The following MORF4L1 variants were observed in gnomAD, a reference collection of about 807,000 sequenced individuals.
The protein encoded by MORF4L1 is mortality factor 4 like 1, also known as mortality factor 4-like protein 1.
A neutral mutation model predicts 52.9 loss-of-function variants in MORF4L1; 4 were observed. The ratio of observed to expected loss-of-function variants is 0.08; its 90% CI spans 0.04 to 0.17. MORF4L1 has a LOEUF of 0.17. Ranked by LOEUF, MORF4L1 falls within the 10% of genes least tolerant of loss-of-function variation. The pLI is 1.00. For missense variants in MORF4L1, 214 were observed against 390.4 expected, an observed-to-expected ratio of 0.55 and a Z score of 3.81; for synonymous variants, 123 against 134.8, an observed-to-expected ratio of 0.91 and a Z score of 0.61.
chr15:78,874,439 C>T (rs1464433432), intron 1 of MORF4L1, among the ~76,000 whole-genome samples: 2 of 152,168 alleles, frequency 1.3e-5, no homozygotes, highest in Non-Finnish European at 2.9e-5. Context: ...GTGACGCTAT[C>T]TCGGCTCACC....
chr15:78,882,261 A>G lies in MORF4L1; in HGVS notation c.155+1682A>G, dbSNP rs1175646289. The stretch of plus-strand genomic sequence containing the variant: ...AGCCCAGGAGTTTGGGGCTGCAGTG[A>G]GCTATGATGTGCCACTGCACTCTAG... On this transcript the variant is annotated intron_variant, in intron 3 of 11. Coordinates refer to ENST00000426013, the MANE Select transcript of MORF4L1 (RefSeq NM_006791.4). Among the ~76,000 whole-genome samples, 3 of 152,056 alleles carry G rather than the reference A, an allele frequency of 2.0e-5. No homozygotes were observed. In the South Asian group the frequency reaches 6.2e-4, roughly 32 times the overall value.
rs553053899 is a variant in MORF4L1 at position 78,876,365 on chromosome 15, G to A, written c.41-1848G>A. On this transcript the variant is annotated intron_variant, in intron 1 of 11. Transcript: ENST00000426013. ...TTGTATAAGCAATTCTTAAGGCATAGTGATTGCTTTGCACTGGACTTGGTT... is the reference window on the plus strand; with the variant it reads ...TTGTATAAGCAATTCTTAAGGCATAATGATTGCTTTGCACTGGACTTGGTT... 5.4e-5 allele frequency: 17 copies of A among 317,344 alleles called. 1 individual carries two copies. The highest frequency in any genetic ancestry group is 3.9e-4 in the South Asian group (15 of 38,618). The allele number at this position is 317,344 out of a possible 1,614,324, so 19.7% of individuals were successfully genotyped here.
At position 78,892,388 on chromosome 15, in the gene MORF4L1, A is replaced by T. The variant is rs926691564; in HGVS notation, c.540+75A>T. ...TAGCAAAAAAAGTTTTTAAAGGAAA[A>T]TGTTATATTGACTTGAATTATTAAG... On this transcript the variant is annotated intron_variant, in intron 8 of 11. Transcript: ENST00000426013. 7 of 966,286 alleles carry T rather than the reference A, an allele frequency of 7.2e-6. No individual in the cohort carries two copies. In the African/African-American group the frequency reaches 1.1e-4, roughly 16 times the overall value. 59.9% of individuals were successfully genotyped at this position (966,286 alleles called of 1,614,324 possible).
chr15:78,890,626 C>T (rs545780873), intron 5 of MORF4L1: 193 of 156,808 alleles, frequency 1.2e-3, no homozygotes, highest in South Asian at 2.3e-3. Context: ...GGACTATAGG[C>T]GTTTGCCAGT....
At chr15:78,882,797 C>T (rs1368717105) in intron 3 of MORF4L1, among the ~76,000 whole-genome samples, 55 of 139,526 alleles carry the variant, frequency 3.9e-4, no homozygotes, top group Non-Finnish European at 3.1e-5. Context: ...TGTTTTAGAG[C>T]CAGTATGGTG....
intron 3 of MORF4L1, chr15:78,884,981 C>A: frequency 1.2e-6 from 2 of 1,613,750 alleles, no homozygotes; most frequent in Non-Finnish European, 1.7e-6. Context: ...GCTGTGAGGC[C>A]CAGGCGCTCT....
intron 3 of MORF4L1, chr15:78,885,003 G>A: frequency 6.2e-7 from 1 of 1,614,044 alleles, no homozygotes; most frequent in African/African-American, 1.3e-5. Context: ...AAAAATCTTT[G>A]AAGACACATG....
In MORF4L1 at chr15:78,886,224, A is replaced by G; in HGVS notation, c.239A>G (p.Asn80Ser). The change falls in exon 4 of 12, where the codon AAT becomes AGT. Residue 80 changes from asparagine to serine, a missense_variant. By Grantham distance (46) the Asn-to-Ser change is conservative. This residue lies in a region of MORF4L1 where 84 missense variants were observed against 116.3 expected (regional missense o/e 0.72). Transcript: ENST00000426013. ...AAACAGCGAGAACTTCAAAAAGCCA[A>G]TCAGTAAGTTTGTTTTGTGAACTGA... ...LQKQRELQKA[N>S]QEQYAEGKMR... is the part of the protein sequence containing the mutation. 6.2e-7 allele frequency: 1 copy of G among 1,612,328 alleles called. No homozygotes were observed. The highest frequency in any genetic ancestry group is 8.5e-7 in the Non-Finnish European group (1 of 1,178,336).
intron 3 of MORF4L1, among the ~76,000 whole-genome samples, chr15:78,882,109 G>A (rs2056613520): frequency 6.6e-6 from 1 of 152,182 alleles, no homozygotes; most frequent in African/African-American, 2.4e-5. Flanking sequence ...GAAATGCATA[G>A]AAGTGCATCC....
intron 1 of MORF4L1, chr15:78,873,297 G>C: frequency 1.3e-5 from 17 of 1,299,750 alleles, no homozygotes; most frequent in Non-Finnish European, 1.7e-5. Flanking sequence ...CGTTTGGCGC[G>C]TGGCACACCC....
rs1281092612 is a variant in MORF4L1 at position 78,887,322 on chromosome 15, C to G, written c.296C>G (p.Ser99Cys). The change falls in exon 5 of 12, where the codon TCT (serine) becomes TGT (cysteine). Residue 99 changes from serine to cysteine, a missense_variant. Coordinates refer to ENST00000426013, the MANE Select transcript of MORF4L1 (RefSeq NM_006791.4). ...MRGAAPGKKTSGLQQKNVEVK... is the reference protein window; with the variant it reads ...MRGAAPGKKTCGLQQKNVEVK... ...GGGGCTGCCCCAGGAAAGAAGACATCTGGTCTGCAACAGAAAAATGTTGAA... is the reference window on the plus strand; with the variant it reads ...GGGGCTGCCCCAGGAAAGAAGACATGTGGTCTGCAACAGAAAAATGTTGAA... The G allele has an allele frequency of 3.7e-6, 6 of 1,612,150 alleles. No homozygotes were observed. The African/African-American group carries it at 4.0e-5, about 11-fold the overall frequency.
In MORF4L1 at chr15:78,881,676, A is replaced by G. The variant is rs917690261; in HGVS notation, c.155+1097A>G. Among the ~76,000 whole-genome samples, 3 of 152,240 alleles carry G rather than the reference A, an allele frequency of 2.0e-5. No individual in the cohort carries two copies. In the South Asian group the frequency reaches 6.2e-4, roughly 32 times the overall value. On this transcript the variant is annotated intron_variant, in intron 3 of 11. Transcript: ENST00000426013. ...GTCTAAAAATTTACCCAAGTCTCCTATTTGGTGATTGTAATGAAAAGACTT... is the reference window on the plus strand; with the variant it reads ...GTCTAAAAATTTACCCAAGTCTCCTGTTTGGTGATTGTAATGAAAAGACTT...
At chr15:78,895,913 T>C (rs1190697051) in intron 11 of MORF4L1, among the ~76,000 whole-genome samples, 1 of 151,964 alleles carries the variant, frequency 6.6e-6, no homozygotes, top group Non-Finnish European at 1.5e-5. Flanking sequence ...TCTTTGGACC[T>C]CAGTTTCTTT....
intron 1 of MORF4L1, chr15:78,876,490 A>T (rs1470648745): frequency 2.2e-6 from 1 of 455,004 alleles, no homozygotes; most frequent in Non-Finnish European, 4.4e-6. Flanking sequence ...TATTTTTTCA[A>T]CAAAATACTA....
intron 8 of MORF4L1, chr15:78,892,659 TGCAAGGTA>T (rs1469044033): frequency 5.8e-6 from 1 of 172,104 alleles, no homozygotes; most frequent in African/African-American, 2.4e-5. Context: ...CACCACCACC[TGCAAGGTA>T]TTCATGACCC....
chr15:78,888,602 A>G (rs958982565), intron 5 of MORF4L1, among the ~76,000 whole-genome samples: 1 of 152,082 alleles, frequency 6.6e-6, no homozygotes, highest in Non-Finnish European at 1.5e-5. Context: ...TGATTTTTCT[A>G]CTTAAAAGTA....
chr15:78,873,226 A>C, intron 1 of MORF4L1, 169 bp downstream of exon 1: 1 of 1,512,402 alleles, frequency 6.6e-7, no homozygotes, highest in South Asian at 1.3e-5. Context: ...CCGGTGCGTC[A>C]TTGTGAGAAA....
chr15:78,894,779 G>A, intron 10 of MORF4L1, 41 bp from the exon 11 acceptor site: 1 of 1,446,606 alleles, frequency 6.9e-7, no homozygotes, highest in Non-Finnish European at 9.7e-7. Context: ...TAGTGCCCCT[G>A]CCTTGGATGT....
At chr15:78,884,862 T>C (rs2056671127) in intron 3 of MORF4L1, 1 of 637,862 alleles carries the variant, frequency 1.6e-6, no homozygotes, top group Non-Finnish European at 2.5e-6. Flanking sequence ...TGGAATTTGT[T>C]GACACACACT....
Sources: gnomAD v4.1 joint callset for allele counts (sites outside exome capture counted in the v4.1 genomes callset) on GRCh38, gnomAD v4.1.1 for gene constraint, gnomAD v4.1.1 regional missense constraint, MANE v1.5 for transcripts, NCBI Gene and HGNC (gene_info 2026-07-23, HGNC 2026-07-21) for gene names.